INPP5A: variants seen among roughly 807,000 people sequenced by gnomAD.
INPP5A encodes inositol polyphosphate-5-phosphatase A.
INPP5A carries 14 observed loss-of-function variants against 65.2 expected under a neutral mutation model. The ratio of observed to expected loss-of-function variants is 0.21; its 90% CI spans 0.14 to 0.34. The LOEUF (loss-of-function observed/expected upper bound fraction) is 0.34. INPP5A is among the 10% of genes least tolerant of loss of function. The pLI, the probability that INPP5A is intolerant of heterozygous loss-of-function variation, is 1.00. For missense variants in INPP5A, 431 were observed against 545.6 expected, an observed-to-expected ratio of 0.79 and a Z score of 2.09; for synonymous variants, 207 against 208.3, an observed-to-expected ratio of 0.99 and a Z score of 0.05.
intron 1 of INPP5A, among the ~76,000 whole-genome samples, chr10:132,556,040 G>A (rs905648850): frequency 2.0e-5 from 3 of 151,612 alleles, no homozygotes; most frequent in African/African-American, 2.4e-5. Context: ...GGGGCTGCCC[G>A]GCCCCTGAAG....
rs538428370 is a variant in INPP5A, at chr10:132,700,006, A to T, written c.474+2087A>T. Among the ~76,000 whole-genome samples, 320 of 152,188 alleles carry T rather than the reference A, an allele frequency of 2.1e-3. 2 individuals carry two copies. Among genetic ancestry groups the T allele is most frequent in the African/African-American group, 7.0e-3 (291 of 41,536 alleles). On this transcript the variant is annotated intron_variant, in intron 6 of 15. Coordinates refer to ENST00000368594, the MANE Select transcript of INPP5A (RefSeq NM_005539.5). ...CTTGGTCCCTAATGCCAGTACTCTG[A>T]GGCCTCTGTGATGCTGGGGGCCTGC...
intron 2 of INPP5A, among the ~76,000 whole-genome samples, chr10:132,618,203 G>A (rs1192860606): frequency 6.6e-6 from 1 of 152,138 alleles, no homozygotes; most frequent in African/African-American, 2.4e-5. Flanking sequence ...ATTTATCAGG[G>A]AGAGACCCAG....
intron 12 of INPP5A, among the ~76,000 whole-genome samples, chr10:132,774,601 A>G (rs1405098514): frequency 6.6e-6 from 1 of 152,126 alleles, no homozygotes; most frequent in Non-Finnish European, 1.5e-5. Context: ...CTGTGCCGTC[A>G]GCCCTGCCCC....
intron 2 of INPP5A, among the ~76,000 whole-genome samples, chr10:132,608,745 C>T (rs181599228): frequency 3.5e-4 from 53 of 152,352 alleles, no homozygotes; most frequent in African/African-American, 1.3e-3. Context: ...GAGCTGCTCA[C>T]ATGCTCAGAC....
chr10:132,643,711 G>A (rs1017172502), intron 2 of INPP5A, among the ~76,000 whole-genome samples: 3 of 152,102 alleles, frequency 2.0e-5, no homozygotes, highest in African/African-American at 7.2e-5. Flanking sequence ...TGCATTCGAG[G>A]TGCTGTGACC....
chr10:132,763,169 G>C (rs907682037), intron 11 of INPP5A, among the ~76,000 whole-genome samples: 1 of 152,200 alleles, frequency 6.6e-6, no homozygotes, highest in Non-Finnish European at 1.5e-5. Context: ...TCAGCATTTT[G>C]GTGAAAGCCA....
At position 132,555,653 on chromosome 10, in the gene INPP5A, A is replaced by G. The variant is rs540606969; in HGVS notation, c.75+17482A>G. Among the ~76,000 whole-genome samples the G allele has an allele frequency of 2.0e-5, 3 of 152,188 alleles. No homozygotes were observed. Among genetic ancestry groups the G allele is most frequent in the Admixed American group, 6.5e-5 (1 of 15,282 alleles). On this transcript the variant is annotated intron_variant, in intron 1 of 15. Transcript: ENST00000368594. The surrounding 1 kb of genome is among the most constrained non-coding windows in gnomAD (Gnocchi z 4.4). ...CCTATCAGGGAGAGAGTTCAAGTGT[A>G]TCCTAGCGTCTTGGAGAAAAATGGT... is the stretch of plus-strand genomic sequence containing the variant.
chr10:132,769,806 C>CA (rs11442790), intron 12 of INPP5A, among the ~76,000 whole-genome samples: 29,872 of 150,766 alleles, frequency 0.2, 3,155 homozygotes, highest in Non-Finnish European at 0.25. Flanking sequence ...TAGCTCCCCC[C>CA]CCCCAAGTTC....
intron 7 of INPP5A, among the ~76,000 whole-genome samples, chr10:132,709,995 G>A (rs1019403832): frequency 4.6e-5 from 7 of 152,246 alleles, no homozygotes; most frequent in African/African-American, 1.7e-4. Context: ...CGGCAGCCCT[G>A]AGCAGCATCA....
intron 13 of INPP5A, among the ~76,000 whole-genome samples, chr10:132,779,455 A>G (rs1847121132): frequency 6.6e-6 from 1 of 152,276 alleles, no homozygotes; most frequent in Admixed American, 6.5e-5. Flanking sequence ...GCCCAAGGGC[A>G]GAAGGCTGGC....
chr10:132,639,580 T>G (rs2072400684), intron 2 of INPP5A, among the ~76,000 whole-genome samples: 1 of 152,266 alleles, frequency 6.6e-6, no homozygotes, highest in South Asian at 2.1e-4. Context: ...TATCTTGTTA[T>G]GCACTCACTG....
chr10:132,722,000 T>C (rs1845893709), intron 8 of INPP5A, among the ~76,000 whole-genome samples: 1 of 152,192 alleles, frequency 6.6e-6, no homozygotes, highest in African/African-American at 2.4e-5. Context: ...TTTGGGGGGA[T>C]GAGTTTATTT....
At chr10:132,670,603 C>T (rs2072877102) in intron 4 of INPP5A, among the ~76,000 whole-genome samples, 1 of 151,592 alleles carries the variant, frequency 6.6e-6, no homozygotes, top group South Asian at 2.1e-4. Flanking sequence ...GTCCCCTGCC[C>T]CTCTGCTGCC....
intron 11 of INPP5A, among the ~76,000 whole-genome samples, chr10:132,752,344 G>A (rs1258922480): frequency 6.6e-6 from 1 of 151,686 alleles, no homozygotes; most frequent in Non-Finnish European, 1.5e-5. Context: ...CAGGGAAGAG[G>A]GAGGCTCCCT....
intron 11 of INPP5A, among the ~76,000 whole-genome samples, chr10:132,751,848 G>A (rs1393615221): frequency 2.1e-5 from 3 of 142,130 alleles, no homozygotes; most frequent in Non-Finnish European, 3.1e-5. Context: ...TCGTGGAGGC[G>A]GGTGCCCAGG....
At chr10:132,543,321 A>T (rs937647533) in intron 1 of INPP5A, among the ~76,000 whole-genome samples, 1 of 151,948 alleles carries the variant, frequency 6.6e-6, no homozygotes, top group African/African-American at 2.4e-5. Flanking sequence ...ACATGGGATC[A>T]GACGGTCTGC....
chr10:132,599,070 T>A (rs1395889595), intron 1 of INPP5A, among the ~76,000 whole-genome samples: 3 of 152,152 alleles, frequency 2.0e-5, no homozygotes, highest in Non-Finnish European at 4.4e-5. Context: ...TATCATTCCA[T>A]CCCTGGCCCC....
chr10:132,609,447 C>T (rs1254071129), intron 2 of INPP5A, among the ~76,000 whole-genome samples: 1 of 152,038 alleles, frequency 6.6e-6, no homozygotes, highest in Admixed American at 6.6e-5. Context: ...GTCGGGGAGA[C>T]CCACATCCTT....
chr10:132,740,802 G>A (rs1265272405), intron 9 of INPP5A, among the ~76,000 whole-genome samples: 2 of 152,210 alleles, frequency 1.3e-5, no homozygotes, highest in African/African-American at 2.4e-5. Context: ...CCTTTGGTCA[G>A]TTTTCCCAGT....
Sources: gnomAD v4.1 joint callset for allele counts (sites outside exome capture counted in the v4.1 genomes callset) on GRCh38, gnomAD v4.1.1 for gene constraint, Gnocchi (gnomAD v3.1) non-coding constraint, MANE v1.5 for transcripts, NCBI Gene and HGNC (gene_info 2026-07-23, HGNC 2026-07-21) for gene names.